FYB1: variants seen among roughly 807,000 people sequenced by gnomAD.
The protein encoded by FYB1 is FYN binding protein 1.
A neutral mutation model predicts 94.1 loss-of-function variants in FYB1; 41 were observed. That is an observed-to-expected ratio of 0.44 (90% CI 0.34 to 0.57). The LOEUF is 0.57. Ranked by LOEUF, FYB1 falls within the 20% of genes least tolerant of loss-of-function variation. The probability of loss-of-function intolerance (pLI) is 0.02; values close to 1 mark genes in which losing one functional copy is unlikely to be tolerated. For missense variants in FYB1, 1,050 were observed against 976.8 expected (o/e 1.07, Z -1.00); for synonymous variants, 367 against 353.2 (o/e 1.04, Z -0.44).
upstream of FYB1, among the ~76,000 whole-genome samples, chr5:39,223,834 C>G (rs1383740039): frequency 6.6e-6 from 1 of 152,104 alleles, no homozygotes; most frequent in Non-Finnish European, 1.5e-5. Context: ...ACTCACTACT[C>G]CCAGTATCAA....
intron 2 of FYB1, among the ~76,000 whole-genome samples, chr5:39,186,423 A>AAAAAC (rs530747508): frequency 3.9e-5 from 6 of 152,284 alleles, no homozygotes; most frequent in Admixed American, 6.5e-5. Context: ...ACTCCATCTC[A>AAAAAC]AAAACAAAAC....
chr5:39,109,218 T>G (rs1022817416), intron 17 of FYB1, among the ~76,000 whole-genome samples: 2 of 152,020 alleles, frequency 1.3e-5, no homozygotes, highest in Non-Finnish European at 2.9e-5. Context: ...CTATGTCTTC[T>G]GTTTGGATCT....
intron 1 of FYB1, among the ~76,000 whole-genome samples, chr5:39,234,904 A>G (rs1270792519): frequency 6.6e-6 from 1 of 151,698 alleles, no homozygotes; most frequent in African/African-American, 2.4e-5. Flanking sequence ...GTCGGGGGCA[A>G]GGGGTGGGAT....
intron 8 of FYB1, 143 bp downstream of exon 8, chr5:39,134,712 C>A: frequency 1.3e-6 from 1 of 771,288 alleles, no homozygotes; most frequent in Admixed American, 2.7e-5. Flanking sequence ...GGAACTATAC[C>A]TGCCATTTAA....
At chr5:39,235,629 C>A (rs73089291) in intron 1 of FYB1, among the ~76,000 whole-genome samples, 1,547 of 151,232 alleles carry the variant, frequency 0.01, 24 homozygotes, top group African/African-American at 0.036. Context: ...ATAGGAGCTG[C>A]CATTTTTATT....
chr5:39,165,835 C>A (rs190667708), intron 2 of FYB1, among the ~76,000 whole-genome samples: 1 of 152,218 alleles, frequency 6.6e-6, no homozygotes, highest in African/African-American at 2.4e-5. Context: ...AGATATTTTT[C>A]AAAAGAAGAC....
rs370643794 is a variant in FYB1 at position 39,146,967 on chromosome 5, C to T, written c.1293-5826G>A. 5.3e-4 allele frequency among the ~76,000 whole-genome samples: 80 copies of T among 152,108 alleles called. 2 individuals are homozygous for T. The highest frequency in any genetic ancestry group is 1.8e-3 in the African/African-American group (75 of 41,498). On this transcript the variant is annotated intron_variant, in intron 3 of 18. Transcript: ENST00000512982. ...CCAGATCAAACTGTCAGCAAATTCGCTAAGGGTTCCAAGCATTGAGAAAAG... is the reference window on the plus strand; with the variant it reads ...CCAGATCAAACTGTCAGCAAATTCGTTAAGGGTTCCAAGCATTGAGAAAAG...
intron 2 of FYB1, among the ~76,000 whole-genome samples, chr5:39,155,951 C>A (rs903259402): frequency 6.6e-6 from 1 of 152,040 alleles, no homozygotes; most frequent in African/African-American, 2.4e-5. Context: ...TAATATGGTT[C>A]AGTAGATTCA....
chr5:39,110,672 C>T (rs1476066588), intron 16 of FYB1: 1 of 301,194 alleles, frequency 3.3e-6, no homozygotes, highest in Non-Finnish European at 6.3e-6. Flanking sequence ...TTTCATTAAG[C>T]TACTGTAGGC....
At chr5:39,121,851 A>G (rs1041608180) in intron 14 of FYB1, among the ~76,000 whole-genome samples, 3 of 152,160 alleles carry the variant, frequency 2.0e-5, no homozygotes, top group Non-Finnish European at 4.4e-5. Context: ...AAAGGAAACT[A>G]TCTTGTAGAA....
intron 1 of FYB1, among the ~76,000 whole-genome samples, chr5:39,207,135 A>G (rs1748932547): frequency 6.6e-6 from 1 of 152,170 alleles, no homozygotes; most frequent in Non-Finnish European, 1.5e-5. Flanking sequence ...AAGACATCAG[A>G]TTGTGAAATT....
intron 2 of FYB1, among the ~76,000 whole-genome samples, chr5:39,163,707 G>T (rs1744467792): frequency 6.6e-6 from 1 of 152,066 alleles, no homozygotes; most frequent in Non-Finnish European, 1.5e-5. Flanking sequence ...CTGACTTTTG[G>T]ATCTTTTTTT....
rs1013385276 is a variant in FYB1, at chr5:39,173,927, C to CT, written c.1136-20324dup. On this transcript the variant is annotated intron_variant, in intron 2 of 18. Transcript: ENST00000512982. ...CTTAGTATTGCTTTGTCTATTCAGT[C>CT]TTTTTTTTGATTCCAGATGAATTTT... Among the ~76,000 whole-genome samples the CT allele has an allele frequency of 1.2e-3, 177 of 151,844 alleles. 1 individual carries two copies. Among genetic ancestry groups the CT allele is most frequent in the African/African-American group, 3.9e-3 (162 of 41,438 alleles).
At chr5:39,139,859 A>T (rs1027763474) in intron 4 of FYB1, 5 of 152,244 alleles carry the variant, frequency 3.3e-5, no homozygotes, top group African/African-American at 1.2e-4. Context: ...CACACCCATA[A>T]TATACACATA....
At chr5:39,217,926 T>G (rs886571995) in intron 1 of FYB1, among the ~76,000 whole-genome samples, 5 of 152,192 alleles carry the variant, frequency 3.3e-5, no homozygotes, top group African/African-American at 1.2e-4. Context: ...TGGTAAAAGC[T>G]TCAAAGCCAC....
At chr5:39,258,423 A>T (rs770525310) in intron 1 of FYB1, among the ~76,000 whole-genome samples, 11 of 152,152 alleles carry the variant, frequency 7.2e-5, no homozygotes, top group Non-Finnish European at 1.5e-4. Context: ...AACATGGTGA[A>T]ACCCCATCTC....
chr5:39,185,805 C>T (rs371434365), intron 2 of FYB1, among the ~76,000 whole-genome samples: 73 of 152,038 alleles, frequency 4.8e-4, no homozygotes, highest in South Asian at 4.8e-3. Context: ...GGAGCCACTC[C>T]GTGAGGGTTC....
chr5:39,219,083 G>A (rs896441539), intron 1 of FYB1, among the ~76,000 whole-genome samples: 31 of 152,182 alleles, frequency 2.0e-4, no homozygotes, highest in Admixed American at 2.0e-3. Context: ...TAAACCATCT[G>A]TGCCCAGCTC....
Position 39,119,619 on chromosome 5 carries a change from A to C in FYB1, c.2154T>G (p.Val718=), listed in dbSNP as rs1739897489. 4.5e-6 allele frequency: 7 copies of C among 1,541,508 alleles called. No homozygotes were observed. Among genetic ancestry groups the C allele is most frequent in the Non-Finnish European group, 5.2e-6 (6 of 1,143,576 alleles). The stretch of plus-strand genomic sequence containing the variant: ...CCTTTTCTTCTGTCTTAGCTTTTCC[A>C]ACATTAGTTCCTTGACTAGAACGGC... ...SSAEMSQGTN[V]GKAKTEEKDL... Residue 718 remains valine, a synonymous_variant, in exon 15 of 19, where the codon GTT becomes GTG. Coordinates refer to ENST00000512982, the MANE Select transcript of FYB1 (RefSeq NM_001465.6).
Sources: allele counts gnomAD v4.1 joint callset (sites outside exome capture counted in the v4.1 genomes callset), GRCh38; gene constraint gnomAD v4.1.1; transcripts MANE v1.5; gene names NCBI Gene and HGNC (gene_info 2026-07-23, HGNC 2026-07-21).